FTO: variants seen among roughly 807,000 people sequenced by gnomAD.
FTO encodes alpha-ketoglutarate-dependent dioxygenase FTO.
FTO carries 47 observed loss-of-function variants against 63.9 expected under a neutral mutation model. The ratio of observed to expected loss-of-function variants is 0.74; its 90% confidence interval spans 0.58 to 0.94. FTO has a LOEUF of 0.94. Among genes scored for constraint, FTO ranks in the 40% least tolerant of loss-of-function variants. The pLI is 0.00. For missense variants in FTO, 562 were observed against 618.1 expected (o/e 0.91, Z 0.96); for synonymous variants, 207 against 224.4 (o/e 0.92, Z 0.69).
intron 8 of FTO, among the ~76,000 whole-genome samples, chr16:53,971,551 A>G (rs551411517): frequency 6.6e-6 from 1 of 152,214 alleles, no homozygotes; most frequent in South Asian, 2.1e-4. Flanking sequence ...CAACATCTGT[A>G]TTTTCTAAGG....
chr16:53,753,354 T>C (rs2076845023), intron 1 of FTO, among the ~76,000 whole-genome samples: 1 of 150,902 alleles, frequency 6.6e-6, no homozygotes, highest in Non-Finnish European at 1.5e-5. Context: ...ATAAACATGA[T>C]TAAAATATGA....
intron 1 of FTO, among the ~76,000 whole-genome samples, chr16:53,729,330 C>T (rs2076219717): frequency 6.6e-6 from 1 of 151,490 alleles, no homozygotes; most frequent in South Asian, 2.1e-4. Context: ...AGATGGAGAC[C>T]ATCCTGGCCA....
chr16:54,111,791 C>G lies in FTO; in HGVS notation c.1394C>G (p.Pro465Arg). Reference protein sequence around the residue: ...RCQSRIARTLPADQKPECRPY... With the variant: ...RCQSRIARTLRADQKPECRPY... ...CAGTCACGAATTGCCCGAACATTAC[C>G]TGCTGATCAGAAGCCAGAATGTCGG... Residue 465 changes from proline to arginine, a missense_variant, in exon 9 of 9, where the codon CCT (proline) becomes CGT (arginine). By Grantham distance (103) the Pro-to-Arg change is moderately radical. Coordinates refer to ENST00000471389, the MANE Select transcript of FTO (RefSeq NM_001080432.3). The G allele has an allele frequency of 1.2e-6, 2 of 1,614,068 alleles. No homozygotes were observed. Among genetic ancestry groups the G allele is most frequent in the Non-Finnish European group, 1.7e-6 (2 of 1,180,022 alleles).
chr16:53,758,280 G>A (rs143913296), intron 1 of FTO, among the ~76,000 whole-genome samples: 1 of 152,286 alleles, frequency 6.6e-6, no homozygotes, highest in African/African-American at 2.4e-5. Context: ...AGGACATCTA[G>A]ATTTTTATTT....
At chr16:53,983,398 C>T (rs13337356) in intron 8 of FTO, among the ~76,000 whole-genome samples, 7 of 151,716 alleles carry the variant, frequency 4.6e-5, no homozygotes, top group South Asian at 4.2e-4. Flanking sequence ...GCCATTTTGA[C>T]GGAACTGGGG....
chr16:53,993,960 A>G (rs1258042380), intron 8 of FTO: 1 of 152,220 alleles, frequency 6.6e-6, no homozygotes, highest in Admixed American at 6.5e-5. Context: ...CCCAGTTGAC[A>G]GTCATTTCTC....
chr16:53,882,017 T>C (rs1400111245), intron 6 of FTO, among the ~76,000 whole-genome samples: 1 of 152,136 alleles, frequency 6.6e-6, no homozygotes, highest in Admixed American at 6.5e-5. Flanking sequence ...CTAATAATTA[T>C]TGGATTCTGC....
chr16:53,924,635 C>G (rs528715392), intron 7 of FTO, among the ~76,000 whole-genome samples: 20 of 152,218 alleles, frequency 1.3e-4, no homozygotes, highest in African/African-American at 4.3e-4. Flanking sequence ...AGGATGAAGA[C>G]AGCAGCCTTA....
intron 8 of FTO, chr16:53,998,224 G>C (rs1343789250): frequency 6.6e-6 from 1 of 152,206 alleles, no homozygotes; most frequent in African/African-American, 2.4e-5. Context: ...TTTGCCAAGG[G>C]CAAAAAGCAG....
At chr16:53,930,529 C>T (rs1696075596) in intron 7 of FTO, among the ~76,000 whole-genome samples, 1 of 152,044 alleles carries the variant, frequency 6.6e-6, no homozygotes, top group Non-Finnish European at 1.5e-5. Flanking sequence ...GGCCAATTAT[C>T]TTCTCATTTA....
At chr16:54,052,029 G>C (rs1045459962) in intron 8 of FTO, among the ~76,000 whole-genome samples, 1 of 152,198 alleles carries the variant, frequency 6.6e-6, no homozygotes, top group Admixed American at 6.5e-5. Context: ...TGGGCAACAG[G>C]AGCTTTTCTG....
At position 53,704,245 on chromosome 16, in the gene FTO, G is replaced by C; in HGVS notation, c.45+16G>C. 1.3e-6 allele frequency: 2 copies of C among 1,550,926 alleles called. No homozygotes were observed. The highest frequency in any genetic ancestry group is 2.4e-5 in the South Asian group (2 of 84,046). ...CGAAGCTAAGGTATGTCGGGCTCCC[G>C]GGGCCTGGAGATCTTCGTGCGCTGT... On this transcript the variant is annotated intron_variant, in intron 1 of 8. Transcript: ENST00000471389.
chr16:53,773,872 A>G (rs756195327), intron 1 of FTO, among the ~76,000 whole-genome samples: 13 of 152,150 alleles, frequency 8.5e-5, no homozygotes, highest in Admixed American at 3.9e-4. Flanking sequence ...GAATAATTGG[A>G]CGACACTTGT....
intron 8 of FTO, among the ~76,000 whole-genome samples, chr16:54,110,033 G>A (rs2086845373): frequency 6.6e-6 from 1 of 152,292 alleles, no homozygotes; most frequent in African/African-American, 2.4e-5. Flanking sequence ...GCTTTGCAGA[G>A]TTCCTTTGTA....
chr16:53,821,863 C>A (rs571964664), intron 2 of FTO, among the ~76,000 whole-genome samples: 1 of 152,324 alleles, frequency 6.6e-6, no homozygotes, highest in East Asian at 1.9e-4. Flanking sequence ...AATAATATTT[C>A]TTGTCCATTT....
At chr16:54,063,886 G>A (rs2085653936) in intron 8 of FTO, 1 of 151,958 alleles carries the variant, frequency 6.6e-6, no homozygotes, top group South Asian at 2.1e-4. Flanking sequence ...TTAATAAGAT[G>A]GGTGTATGTG....
chr16:53,887,135 T>A (rs1261032215), intron 6 of FTO, among the ~76,000 whole-genome samples: 1 of 152,220 alleles, frequency 6.6e-6, no homozygotes, highest in Non-Finnish European at 1.5e-5. Context: ...CTGAACTAGC[T>A]TAAGTAAGAA....
intron 8 of FTO, among the ~76,000 whole-genome samples, chr16:54,016,801 T>C (rs1326264426): frequency 6.6e-6 from 1 of 152,152 alleles, no homozygotes; most frequent in African/African-American, 2.4e-5. Flanking sequence ...TGTGTCATAG[T>C]AGGCTATTGT....
At chr16:53,935,222 C>T (rs2143283034) in intron 8 of FTO, among the ~76,000 whole-genome samples, 1 of 152,282 alleles carries the variant, frequency 6.6e-6, no homozygotes, top group African/African-American at 2.4e-5. Flanking sequence ...CTTAAAAATT[C>T]TATGTGCCTG....
Sources: allele counts gnomAD v4.1 joint callset (sites outside exome capture counted in the v4.1 genomes callset), GRCh38; gene constraint gnomAD v4.1.1; transcripts MANE v1.5; gene names NCBI Gene and HGNC (gene_info 2026-07-23, HGNC 2026-07-21).